The following ANKRD44 variants were observed in gnomAD, a reference collection of about 807,000 sequenced individuals.
ANKRD44 encodes the protein ankyrin repeat domain 44, also known as serine/threonine-protein phosphatase 6 regulatory ankyrin repeat subunit B.
Under a neutral mutation model 116.0 loss-of-function variants are expected in ANKRD44, and 35 were observed. The ratio of observed to expected loss-of-function variants is 0.30; its 90% confidence interval spans 0.23 to 0.40. ANKRD44 has a LOEUF of 0.40. Among genes scored for constraint, ANKRD44 ranks in the 10% least tolerant of loss-of-function variants. ANKRD44 has a pLI of 1.00. For missense variants in ANKRD44, 1,014 were observed against 1,242.6 expected, an observed-to-expected ratio of 0.82 and a Z score of 2.77; for synonymous variants, 435 against 461.8, an observed-to-expected ratio of 0.94 and a Z score of 0.74.
rs1395497607 is a variant in ANKRD44 at position 197,253,106 on chromosome 2, T to C, written c.27+57472A>G. Among the ~76,000 whole-genome samples the C allele has an allele frequency of 3.3e-5, 5 of 152,326 alleles. No homozygotes were observed. In the East Asian group the frequency reaches 9.6e-4, roughly 29 times the overall value. ...CTGTGATAGTGGTTTTGTTTGTTTA[T>C]TCAGAAAAATAAAAGTCAAAAAAAC... On this transcript the variant is annotated intron_variant, in intron 1 of 27. Transcript: ENST00000282272.
chr2:197,118,105 C>T (rs1010553399), intron 8 of ANKRD44, among the ~76,000 whole-genome samples: 5 of 149,868 alleles, frequency 3.3e-5, no homozygotes, highest in African/African-American at 4.9e-5. Flanking sequence ...CCCAGCTACT[C>T]GGGAGGCTGA....
intron 1 of ANKRD44, among the ~76,000 whole-genome samples, chr2:197,217,521 A>C (rs1172828121): frequency 1.3e-5 from 2 of 152,264 alleles, no homozygotes; most frequent in African/African-American, 4.8e-5. Context: ...CTGCAGAGGC[A>C]GCAAAAATAG....
intron 1 of ANKRD44, among the ~76,000 whole-genome samples, chr2:197,248,693 C>T (rs2082251514): frequency 6.6e-6 from 1 of 151,594 alleles, no homozygotes; most frequent in Non-Finnish European, 1.5e-5. Flanking sequence ...CAGGGACCAA[C>T]TTGCTATGGA....
chr2:197,030,483 G>C (rs1391663138), intron 16 of ANKRD44, among the ~76,000 whole-genome samples: 1 of 152,040 alleles, frequency 6.6e-6, no homozygotes, highest in Non-Finnish European at 1.5e-5. Flanking sequence ...AAAGTGGTGT[G>C]ACTCTTGAGG....
chr2:196,988,898 T>C lies in ANKRD44; in HGVS notation c.*693A>G. The C allele has an allele frequency of 1.0e-6, 1 of 985,450 alleles. No individual in the cohort carries two copies. The highest frequency in any genetic ancestry group is 1.2e-6 in the Non-Finnish European group (1 of 829,948). 61.0% of individuals were successfully genotyped at this position (985,450 alleles called of 1,614,324 possible). On this transcript the variant is annotated 3_prime_UTR_variant, in exon 28 of 28. Transcript: ENST00000282272. ...GTAATTTCTAGATATTTCTTTGTGC[T>C]GCCTTTGTGTATATGATCCACTACA...
chr2:197,273,972 A>T (rs1402355704), intron 1 of ANKRD44, among the ~76,000 whole-genome samples: 11 of 30,514 alleles, frequency 3.6e-4, no homozygotes, highest in African/African-American at 7.0e-4. Context: ...AAAAAAAAAA[A>T]AAAAAAAAAT....
At chr2:197,017,516 G>T (rs1342922956) in intron 17 of ANKRD44, among the ~76,000 whole-genome samples, 1 of 152,184 alleles carries the variant, frequency 6.6e-6, no homozygotes, top group Non-Finnish European at 1.5e-5. Flanking sequence ...CATTATGTTT[G>T]TGAATGATTT....
chr2:197,031,986 C>A (rs192789903), intron 16 of ANKRD44, among the ~76,000 whole-genome samples: 171 of 152,266 alleles, frequency 1.1e-3, no homozygotes, highest in African/African-American at 3.9e-3. Context: ...ACCTGCAAGA[C>A]TTCCTGGAAT....
chr2:197,170,272 C>T (rs2080201642), intron 2 of ANKRD44, among the ~76,000 whole-genome samples: 1 of 148,772 alleles, frequency 6.7e-6, no homozygotes, highest in East Asian at 2.0e-4. Flanking sequence ...GAAAGTTAAA[C>T]AGATTCCCTT....
chr2:197,126,654 C>G (rs1430302526), intron 4 of ANKRD44, among the ~76,000 whole-genome samples: 1 of 152,060 alleles, frequency 6.6e-6, no homozygotes. Context: ...TGATCTATGA[C>G]TTTCAACCCT....
intron 10 of ANKRD44, among the ~76,000 whole-genome samples, chr2:197,096,505 G>A (rs528167303): frequency 2.6e-5 from 4 of 152,280 alleles, no homozygotes; most frequent in African/African-American, 9.6e-5. Context: ...CAAACCGTAG[G>A]AAGCTGCTCT....
At chr2:197,166,988 A>T (rs1416131377) in intron 2 of ANKRD44, among the ~76,000 whole-genome samples, 3 of 152,262 alleles carry the variant, frequency 2.0e-5, no homozygotes. Flanking sequence ...CATAAGTGAC[A>T]GGTCTAGTTT....
chr2:197,083,138 C>T (rs2077835779), intron 14 of ANKRD44, among the ~76,000 whole-genome samples: 1 of 152,212 alleles, frequency 6.6e-6, no homozygotes, highest in Admixed American at 6.5e-5. Context: ...AGCTTGACAG[C>T]TCCACTTGGG....
At chr2:197,014,976 G>A (rs2076364821) in intron 17 of ANKRD44, 1 of 175,074 alleles carries the variant, frequency 5.7e-6, no homozygotes, top group Admixed American at 6.0e-5. Context: ...AAATGGGTAT[G>A]GGGGACATGG....
intron 5 of ANKRD44, 103 bp from the exon 6 acceptor site, chr2:197,125,571 C>T: frequency 1.8e-6 from 2 of 1,131,936 alleles, no homozygotes; most frequent in South Asian, 2.5e-5. Context: ...AATCTAAAGG[C>T]AGGTCAGAGA....
At position 197,083,486 on chromosome 2, in the gene ANKRD44, G is replaced by A. The variant is rs750473345; in HGVS notation, c.1340C>T (p.Ala447Val). ...CGRTPLHYAA[A>V]NCHFHCIETL... Reference sequence around the variant, plus strand: ...CTCAATACAGTGGAAATGACAATTCGCAGCTGCATAGTGCAAAGGGGTCCT... The same window carrying A: ...CTCAATACAGTGGAAATGACAATTCACAGCTGCATAGTGCAAAGGGGTCCT... Residue 447 changes from alanine (A) to valine (V), a missense_variant, in exon 14 of 28, where the codon GCG (alanine) becomes GTG (valine). Coordinates refer to ENST00000282272, the MANE Select transcript of ANKRD44 (RefSeq NM_001195144.2). 3.7e-6 allele frequency: 6 copies of A among 1,613,414 alleles called. No homozygotes were observed. Among genetic ancestry groups the A allele is most frequent in the East Asian group, 4.5e-5 (2 of 44,842 alleles).
chr2:197,296,826 AC>A (rs2083737264), intron 1 of ANKRD44, among the ~76,000 whole-genome samples: 1 of 152,204 alleles, frequency 6.6e-6, no homozygotes, highest in Non-Finnish European at 1.5e-5. Context: ...AATTAAAGTA[AC>A]TTTTTACAAT....
chr2:197,132,746 C>T (rs566467302), intron 4 of ANKRD44, among the ~76,000 whole-genome samples: 97 of 151,872 alleles, frequency 6.4e-4, no homozygotes, highest in Admixed American at 3.0e-3. Flanking sequence ...CAGTTGTACA[C>T]AGAAAATTAT....
At chr2:197,292,792 T>G (rs1397532279) in intron 1 of ANKRD44, among the ~76,000 whole-genome samples, 1 of 152,206 alleles carries the variant, frequency 6.6e-6, no homozygotes, top group Non-Finnish European at 1.5e-5. Flanking sequence ...CTTTGGGCCC[T>G]ACTTAGCAAG....
Sources: gnomAD v4.1 joint callset for allele counts (sites outside exome capture counted in the v4.1 genomes callset) on GRCh38, gnomAD v4.1.1 for gene constraint, MANE v1.5 for transcripts, NCBI Gene and HGNC (gene_info 2026-07-23, HGNC 2026-07-21) for gene names.